The following STK39 variants were observed in gnomAD, a reference collection of about 807,000 sequenced individuals.
STK39 encodes the protein STE20/SPS1-related proline-alanine-rich protein kinase.
A neutral mutation model predicts 77.8 loss-of-function variants in STK39; 20 were observed. The ratio of observed to expected loss-of-function variants is 0.26; its 90% confidence interval spans 0.18 to 0.37. The LOEUF (loss-of-function observed/expected upper bound fraction) is 0.37. STK39 is among the 10% of genes least tolerant of loss of function. The pLI is 1.00. For missense variants in STK39, 479 were observed against 656.5 expected (o/e 0.73, Z 2.95); for synonymous variants, 246 against 234.1 (o/e 1.05, Z -0.47).
At chr2:167,955,596 A>G (rs763905207) in intron 17 of STK39, 26 bp from the exon 18 acceptor site, 16 of 1,608,318 alleles carry the variant, frequency 9.9e-6, no homozygotes, top group Non-Finnish European at 1.2e-5. Flanking sequence ...GAAAGCCTCA[A>G]TGCTGGTTTG....
At chr2:168,056,897 T>C (rs1281419313) in intron 14 of STK39, among the ~76,000 whole-genome samples, 1 of 152,122 alleles carries the variant, frequency 6.6e-6, no homozygotes, top group African/African-American at 2.4e-5. Flanking sequence ...ATGATGCAAA[T>C]GATCCAAAGT....
intron 3 of STK39, among the ~76,000 whole-genome samples, chr2:168,166,282 G>C (rs1222772918): frequency 6.6e-6 from 1 of 152,206 alleles, no homozygotes; most frequent in African/African-American, 2.4e-5. Context: ...TCTAGCCACA[G>C]AGTAAGTGTT....
At chr2:168,079,395 T>G (rs554486541) in intron 10 of STK39, among the ~76,000 whole-genome samples, 4 of 152,216 alleles carry the variant, frequency 2.6e-5, no homozygotes, top group African/African-American at 9.6e-5. Flanking sequence ...CCTGGCCAGA[T>G]GAACCTTCCT....
chr2:168,137,585 G>A (rs1687872158), intron 8 of STK39, among the ~76,000 whole-genome samples: 1 of 152,084 alleles, frequency 6.6e-6, no homozygotes, highest in African/African-American at 2.4e-5. Flanking sequence ...TCTTTTTAAG[G>A]TAAAAAATCT....
chr2:168,007,096 G>T (rs1415882904), intron 16 of STK39, among the ~76,000 whole-genome samples: 1 of 152,114 alleles, frequency 6.6e-6, no homozygotes, highest in Non-Finnish European at 1.5e-5. Context: ...AATGCTGATG[G>T]GAAAGAAACA....
intron 1 of STK39, among the ~76,000 whole-genome samples, chr2:168,239,175 C>G (rs1690695206): frequency 1.3e-5 from 2 of 152,274 alleles, no homozygotes; most frequent in South Asian, 4.1e-4. Flanking sequence ...TCGTCTCCAG[C>G]AGCCCTGATT....
intron 16 of STK39, among the ~76,000 whole-genome samples, chr2:167,988,363 G>T (rs772990366): frequency 3.3e-4 from 50 of 152,080 alleles, no homozygotes; most frequent in Non-Finnish European, 5.3e-4. Flanking sequence ...GAGAGAGAAT[G>T]AAACACACAT....
chr2:167,994,077 AC>A (rs1683769437), intron 16 of STK39, among the ~76,000 whole-genome samples: 1 of 152,200 alleles, frequency 6.6e-6, no homozygotes, highest in East Asian at 1.9e-4. Context: ...TCTTATACCA[AC>A]CAGTGAACAG....
intron 1 of STK39, among the ~76,000 whole-genome samples, chr2:168,239,851 GA>G (rs1690714335): frequency 6.6e-6 from 1 of 152,240 alleles, no homozygotes; most frequent in African/African-American, 2.4e-5. Flanking sequence ...AACAGAGCCT[GA>G]AGGGCAAGGG....
At chr2:168,233,033 T>C (rs552472096) in intron 1 of STK39, among the ~76,000 whole-genome samples, 18 of 152,144 alleles carry the variant, frequency 1.2e-4, no homozygotes, top group Non-Finnish European at 2.4e-4. Context: ...GCCCTAGAGA[T>C]CAGAGATCGT....
intron 10 of STK39, among the ~76,000 whole-genome samples, chr2:168,082,538 T>C (rs1172917760): frequency 6.6e-6 from 1 of 152,220 alleles, no homozygotes; most frequent in Non-Finnish European, 1.5e-5. Flanking sequence ...TCCATTCTTT[T>C]CCTTTAGCTC....
intron 2 of STK39, among the ~76,000 whole-genome samples, chr2:168,179,180 C>G (rs1689022716): frequency 6.6e-6 from 1 of 152,154 alleles, no homozygotes; most frequent in Admixed American, 6.5e-5. Context: ...GTGCACTGAC[C>G]TGTATATAAT....
chr2:168,141,065 T>C (rs895594139), intron 5 of STK39, among the ~76,000 whole-genome samples: 1 of 152,224 alleles, frequency 6.6e-6, no homozygotes, highest in Non-Finnish European at 1.5e-5. Context: ...AAAGCCAACA[T>C]GCCCGAGTAT....
intron 7 of STK39, among the ~76,000 whole-genome samples, chr2:168,139,872 G>A (rs1687935615): frequency 6.6e-6 from 1 of 151,832 alleles, no homozygotes. Context: ...GGGTAAAAAT[G>A]TTGTAGTCCA....
rs147682356 is a variant in STK39, at chr2:168,099,915, A to G, written c.1090-24684T>C. On this transcript the variant is annotated intron_variant, in intron 10 of 17. Transcript: ENST00000355999. ...AGGCTTGCTACTGAGAAAACTCAAG[A>G]GACAAGAGTCTCCATTGCTTTTGAA... 3.2e-3 allele frequency among the ~76,000 whole-genome samples: 483 copies of G among 152,320 alleles called. 3 individuals are homozygous for G. Among genetic ancestry groups the G allele is most frequent in the African/African-American group, 0.011 (454 of 41,570 alleles).
chr2:168,080,969 G>T (rs575993841), intron 10 of STK39, among the ~76,000 whole-genome samples: 1 of 152,352 alleles, frequency 6.6e-6, no homozygotes, highest in Non-Finnish European at 1.5e-5. Context: ...CCTCTGCCTA[G>T]ATTTAGGAGG....
At chr2:168,232,689 A>T (rs1209186380) in intron 1 of STK39, among the ~76,000 whole-genome samples, 1 of 152,088 alleles carries the variant, frequency 6.6e-6, no homozygotes, top group Non-Finnish European at 1.5e-5. Context: ...GAGGCAGGCA[A>T]ATCACGAGGT....
intron 5 of STK39, among the ~76,000 whole-genome samples, chr2:168,147,294 T>C (rs544168173): frequency 6.6e-6 from 1 of 152,194 alleles, no homozygotes; most frequent in Non-Finnish European, 1.5e-5. Context: ...AAAATTGAAA[T>C]GTTCTTCTAA....
At chr2:168,100,700 CA>C (rs1170330941) in intron 10 of STK39, among the ~76,000 whole-genome samples, 3 of 152,132 alleles carry the variant, frequency 2.0e-5, no homozygotes, top group African/African-American at 7.2e-5. Context: ...CCAGAATCTA[CA>C]AAAAACTTAA....
Sources: allele counts gnomAD v4.1 joint callset (sites outside exome capture counted in the v4.1 genomes callset), GRCh38; gene constraint gnomAD v4.1.1; transcripts MANE v1.5; gene names NCBI Gene and HGNC (gene_info 2026-07-23, HGNC 2026-07-21).